Variants in TRANK1 observed in about 807,000 individuals in gnomAD.
TRANK1 encodes the protein tetratricopeptide repeat and ankyrin repeat containing 1.
In TRANK1, 198 loss-of-function variants were observed where a neutral mutation model predicts 266.0. The observed-to-expected ratio is 0.74, with a 90% CI of 0.66 to 0.84. The LOEUF (loss-of-function observed/expected upper bound fraction) is 0.84. Among genes scored for constraint, TRANK1 ranks in the 40% least tolerant of loss-of-function variants. The pLI is 0.00. For synonymous variants in TRANK1, 1,396 were observed against 1,384.1 expected, an observed-to-expected ratio of 1.01 and a Z score of -0.19; for missense variants, 3,326 against 3,634.6, an observed-to-expected ratio of 0.92 and a Z score of 2.18.
chr3:36,859,131 C>T (rs2125549148), intron 11 of TRANK1, among the ~76,000 whole-genome samples: 1 of 152,336 alleles, frequency 6.6e-6, no homozygotes, highest in Non-Finnish European at 1.5e-5. Context: ...TCCTCTCCAG[C>T]TCCCCACCAC....
chr3:36,896,055 A>C (rs1419799372), intron 4 of TRANK1, among the ~76,000 whole-genome samples: 1 of 152,232 alleles, frequency 6.6e-6, no homozygotes, highest in East Asian at 1.9e-4. Context: ...TAAACCACTA[A>C]GGAAGTGCCT....
chr3:36,879,645 A>T (rs1381700392), intron 8 of TRANK1, among the ~76,000 whole-genome samples: 1 of 73,798 alleles, frequency 1.4e-5, no homozygotes, highest in Non-Finnish European at 2.4e-5. Context: ...TAAATATACA[A>T]ATATATATAA....
At chr3:36,889,477 C>T (rs557572120) in intron 8 of TRANK1, among the ~76,000 whole-genome samples, 2 of 152,154 alleles carry the variant, frequency 1.3e-5, no homozygotes, top group Non-Finnish European at 2.9e-5. Flanking sequence ...TTCACAATTC[C>T]TCTCTACCAG....
In TRANK1 at chr3:36,832,363, A is replaced by G. The variant is rs2078708110; in HGVS notation, c.7220T>C (p.Ile2407Thr). ...ATCAATGCAATTCTCCAGAAGCCGGATGAAGCACAGGTGGGTCTTGTCCAT... is the reference window on the plus strand; with the variant it reads ...ATCAATGCAATTCTCCAGAAGCCGGGTGAAGCACAGGTGGGTCTTGTCCAT... ...ENMDKTHLCFIRLLENCIDQF... is the reference protein window; with the variant it reads ...ENMDKTHLCFTRLLENCIDQF... Residue 2407 changes from isoleucine to threonine, a missense_variant, in exon 22 of 24, where the codon ATC (isoleucine) becomes ACC (threonine). Transcript: ENST00000645898. 6.2e-7 allele frequency: 1 copy of G among 1,613,892 alleles called. No individual in the cohort carries two copies. Among genetic ancestry groups the G allele is most frequent in the Non-Finnish European group, 8.5e-7 (1 of 1,179,902 alleles).
At chr3:36,928,499 T>C (rs2080319331) in intron 1 of TRANK1, among the ~76,000 whole-genome samples, 1 of 152,166 alleles carries the variant, frequency 6.6e-6, no homozygotes, top group Admixed American at 6.5e-5. Flanking sequence ...CATGGAACAT[T>C]TCACTATGGG....
chr3:36,870,962 T>TAAAAGAAAAAA (rs2079299107), intron 9 of TRANK1, among the ~76,000 whole-genome samples: 1 of 65,102 alleles, frequency 1.5e-5, no homozygotes, highest in Non-Finnish European at 2.9e-5. Flanking sequence ...ACAAGGAAAC[T>TAAAAGAAAAAA]AAAAAAAAAA....
intron 5 of TRANK1, among the ~76,000 whole-genome samples, 168 bp downstream of exon 5, chr3:36,895,472 C>T (rs943729676): frequency 1.1e-4 from 16 of 152,104 alleles, no homozygotes; most frequent in Non-Finnish European, 1.5e-5. Flanking sequence ...TGGAAACTGG[C>T]TAATTAATCT....
At chr3:36,914,055 C>G (rs1411952276) in intron 1 of TRANK1, among the ~76,000 whole-genome samples, 1 of 152,100 alleles carries the variant, frequency 6.6e-6, no homozygotes, top group Admixed American at 6.5e-5. Flanking sequence ...AAGTCATTCT[C>G]ACAGCAAAAA....
rs2080104613 is a variant in TRANK1 at position 36,914,942 on chromosome 3, T to G, written c.24-6488A>C. ...CGTGAGCCACCACACCAGGCCTATTTTATTTCTTTTTTGTTTTTTGTTTTT... is the reference window on the plus strand; with the variant it reads ...CGTGAGCCACCACACCAGGCCTATTGTATTTCTTTTTTGTTTTTTGTTTTT... On this transcript the variant is annotated intron_variant, in intron 1 of 23. Coordinates refer to ENST00000645898, the MANE Select transcript of TRANK1 (RefSeq NM_001329998.2). Among the ~76,000 whole-genome samples the G allele has an allele frequency of 2.6e-5, 4 of 151,134 alleles. No individual in the cohort carries two copies. The South Asian group carries it at 6.3e-4, about 24-fold the overall frequency.
intron 10 of TRANK1, among the ~76,000 whole-genome samples, chr3:36,862,967 C>T (rs1375897430): frequency 6.6e-6 from 1 of 151,728 alleles, no homozygotes; most frequent in Admixed American, 6.6e-5. Context: ...ATAGGAAGAG[C>T]TATAAATAGC....
In TRANK1 at chr3:36,856,961, T is replaced by C; in HGVS notation, c.2761A>G (p.Thr921Ala). Residue 921 changes from threonine to alanine, a missense_variant, in exon 13 of 24, where the codon ACG (threonine) becomes GCG (alanine). Physicochemically the swap from Thr to Ala is moderately conservative, Grantham distance 58. Coordinates refer to ENST00000645898, the MANE Select transcript of TRANK1 (RefSeq NM_001329998.2). ...CSENPEKIIA[T>A]EQNTCAMEKS... ...TCCATTGCACACGTGTTCTGCTCCG[T>C]GGCAATGATCTTCTCAGGGTTCTCA... The C allele has an allele frequency of 1.2e-6, 2 of 1,613,862 alleles. No individual in the cohort carries two copies. Among genetic ancestry groups the C allele is most frequent in the Non-Finnish European group, 1.7e-6 (2 of 1,179,832 alleles).
intron 19 of TRANK1, 54 bp from the exon 20 acceptor site, chr3:36,838,558 T>C (rs988719908): frequency 1.2e-5 from 20 of 1,613,796 alleles, no homozygotes; most frequent in Non-Finnish European, 1.6e-5. Flanking sequence ...CCTACACCAA[T>C]ATTTAACCTG....
intron 13 of TRANK1, among the ~76,000 whole-genome samples, chr3:36,852,871 T>G (rs2079004239): frequency 6.6e-6 from 1 of 151,804 alleles, no homozygotes; most frequent in South Asian, 2.1e-4. Context: ...AATTGCCTTG[T>G]CCTCTCCCAT....
chr3:36,839,351 A>G (rs1381861178), intron 18 of TRANK1, among the ~76,000 whole-genome samples: 1 of 152,188 alleles, frequency 6.6e-6, no homozygotes, highest in Admixed American at 6.5e-5. Flanking sequence ...TGCTGATGCT[A>G]TGTCTCAAAG....
chr3:36,911,155 G>T (rs771840284), intron 1 of TRANK1, among the ~76,000 whole-genome samples: 7 of 152,162 alleles, frequency 4.6e-5, no homozygotes, highest in Non-Finnish European at 8.8e-5. Flanking sequence ...GGTTGAAAAG[G>T]CATATTGTAA....
At chr3:36,862,018 A>T (rs543672779) in intron 10 of TRANK1, among the ~76,000 whole-genome samples, 5 of 152,312 alleles carry the variant, frequency 3.3e-5, no homozygotes, top group Admixed American at 3.3e-4. Flanking sequence ...AGTAGAAAAC[A>T]TTTTAACAGA....
rs750564703 is a variant in TRANK1 at position 36,856,789 on chromosome 3, T to C, written c.2933A>G (p.Asn978Ser). 39 of 1,613,936 alleles carry C rather than the reference T, an allele frequency of 2.4e-5. No homozygotes were observed. Among genetic ancestry groups the C allele is most frequent in the Non-Finnish European group, 3.0e-5 (35 of 1,179,898 alleles). Residue 978 changes from asparagine to serine, a missense_variant, in exon 13 of 24, where the codon AAT becomes AGT. Asn to Ser is a conservative substitution (Grantham distance 46). Transcript: ENST00000645898. ...CATGTTAGCTGACACTTGGCCTTTA[T>C]TGATACCTTTCAGCTTCTTCCGCAG... ...CVLRKKLKGI[N>S]KGQVSANMKI... is the part of the protein sequence containing the mutation.
At chr3:36,895,445 C>G (rs991177052) in intron 5 of TRANK1, among the ~76,000 whole-genome samples, 195 bp downstream of exon 5, 12 of 152,270 alleles carry the variant, frequency 7.9e-5, no homozygotes, top group African/African-American at 2.6e-4. Flanking sequence ...AGCGTTTTTC[C>G]CATTTTTAAA....
intron 1 of TRANK1, among the ~76,000 whole-genome samples, chr3:36,938,518 T>C (rs529908650): frequency 1.3e-4 from 20 of 150,662 alleles, no homozygotes; most frequent in African/African-American, 4.6e-4. Context: ...GGCCCAGCCA[T>C]TCTAGCCTCT....
Sources: allele counts gnomAD v4.1 joint callset (sites outside exome capture counted in the v4.1 genomes callset), GRCh38; gene constraint gnomAD v4.1.1; transcripts MANE v1.5; gene names NCBI Gene and HGNC (gene_info 2026-07-23, HGNC 2026-07-21).